Variants in NKAIN3 observed in about 807,000 individuals in gnomAD.
NKAIN3 encodes the protein sodium/potassium transporting ATPase interacting 3.
NKAIN3 carries 25 observed loss-of-function variants against 30.2 expected under a neutral mutation model. That is an observed-to-expected ratio of 0.83 (90% CI 0.60 to 1.16). The LOEUF (loss-of-function observed/expected upper bound fraction) is 1.16, where lower values mean the gene tolerates loss of function less well. Ranked by LOEUF, NKAIN3 falls within the 50% of genes most tolerant of loss-of-function variation. The pLI, the probability that NKAIN3 is intolerant of heterozygous loss-of-function variation, is 0.00. For missense variants in NKAIN3, 225 were observed against 254.1 expected, an observed-to-expected ratio of 0.89 and a Z score of 0.78; for synonymous variants, 91 against 89.6, an observed-to-expected ratio of 1.02 and a Z score of -0.09.
chr8:62,265,350 C>G (rs1812570915), intron 1 of NKAIN3, among the ~76,000 whole-genome samples: 1 of 152,020 alleles, frequency 6.6e-6, no homozygotes, highest in African/African-American at 2.4e-5. Context: ...TGTTGTGATG[C>G]TTATGGAAGA....
chr8:62,847,405 C>A (rs1233039550), intron 4 of NKAIN3, among the ~76,000 whole-genome samples: 1 of 151,962 alleles, frequency 6.6e-6, no homozygotes. Flanking sequence ...TATTTCATTG[C>A]GGTTTTGATT....
At chr8:62,618,627 C>G (rs934363329) in intron 3 of NKAIN3, among the ~76,000 whole-genome samples, 2 of 151,988 alleles carry the variant, frequency 1.3e-5, no homozygotes, top group Non-Finnish European at 2.9e-5. Flanking sequence ...GAAAGAAGGC[C>G]AGGGGCTGTG....
intron 4 of NKAIN3, among the ~76,000 whole-genome samples, chr8:62,767,144 A>T (rs930260581): frequency 2.6e-5 from 4 of 152,118 alleles, no homozygotes; most frequent in African/African-American, 9.7e-5. Flanking sequence ...CCGCATGGTG[A>T]AGGTGGGTTC....
Position 62,489,183 on chromosome 8 carries a change from A to ATTT in NKAIN3, c.55-90343_55-90341dup, listed in dbSNP as rs56881745. ...AGGTGCCCGCCACCACACCTGGCTA[A>ATTT]TTTTTTTTTTTTTTTGTATTTTTAG... On this transcript the variant is annotated intron_variant, in intron 1 of 6. Transcript: ENST00000623646. 2.1e-3 allele frequency among the ~76,000 whole-genome samples: 301 copies of ATTT among 142,594 alleles called. 3 individuals carry two copies. Among genetic ancestry groups the ATTT allele is most frequent in the South Asian group, 0.015 (64 of 4,386 alleles). 93.5% of individuals were successfully genotyped at this position (142,594 alleles called of 152,430 possible).
At chr8:62,527,980 A>G (rs1045843782) in intron 1 of NKAIN3, among the ~76,000 whole-genome samples, 4 of 151,428 alleles carry the variant, frequency 2.6e-5, no homozygotes, top group African/African-American at 7.3e-5. Context: ...AGATTTTGTG[A>G]GGAAAATTAT....
chr8:62,740,115 A>G (rs1443909603), intron 3 of NKAIN3, among the ~76,000 whole-genome samples: 1 of 152,206 alleles, frequency 6.6e-6, no homozygotes, highest in African/African-American at 2.4e-5. Context: ...TCTTTATTAT[A>G]TAGATCCATA....
At position 62,859,508 on chromosome 8, in the gene NKAIN3, T is replaced by TAAA. The variant is rs531859546; in HGVS notation, c.472-58934_472-58932dup. On this transcript the variant is annotated intron_variant, in intron 4 of 6. Coordinates refer to ENST00000623646, the MANE Select transcript of NKAIN3 (RefSeq NM_001304533.3). ...ACTTTTTCTATACTCTTACTTCAAC[T>TAAA]AAAAAAAAAAAAACTTCATGGAAGT... Among the ~76,000 whole-genome samples, 12 of 60,436 alleles carry TAAA rather than the reference T, an allele frequency of 2.0e-4. 4 individuals are homozygous for TAAA. The highest frequency in any genetic ancestry group is 8.4e-4 in the Admixed American group (4 of 4,790). 39.6% of individuals were successfully genotyped at this position (60,436 alleles called of 152,430 possible).
chr8:62,959,932 G>C (rs898217476), intron 6 of NKAIN3, among the ~76,000 whole-genome samples: 4 of 152,172 alleles, frequency 2.6e-5, no homozygotes, highest in African/African-American at 2.4e-5. Flanking sequence ...GCCTTACTTA[G>C]CACCAATGCA....
intron 3 of NKAIN3, among the ~76,000 whole-genome samples, chr8:62,664,961 C>T (rs1813055235): frequency 6.6e-6 from 1 of 152,172 alleles, no homozygotes; most frequent in Non-Finnish European, 1.5e-5. Flanking sequence ...TTTCCAACCT[C>T]AACTCTTCTT....
chr8:62,348,078 A>C (rs1004592944), intron 1 of NKAIN3, among the ~76,000 whole-genome samples: 21 of 152,228 alleles, frequency 1.4e-4, no homozygotes, highest in African/African-American at 4.8e-4. Context: ...TAAATATGCT[A>C]GGCTGCCATC....
chr8:62,605,986 A>G (rs1248012421), intron 3 of NKAIN3, among the ~76,000 whole-genome samples: 1 of 152,154 alleles, frequency 6.6e-6, no homozygotes, highest in Admixed American at 6.6e-5. Context: ...TTAAGAGCAA[A>G]GAACATTATA....
At chr8:62,462,590 A>G (rs1806031115) in intron 1 of NKAIN3, among the ~76,000 whole-genome samples, 1 of 152,178 alleles carries the variant, frequency 6.6e-6, no homozygotes, top group African/African-American at 2.4e-5. Flanking sequence ...TAACCCCTGC[A>G]TACCTTTCCC....
intron 1 of NKAIN3, among the ~76,000 whole-genome samples, chr8:62,477,084 G>A (rs112138167): frequency 3.3e-5 from 5 of 152,172 alleles, no homozygotes; most frequent in African/African-American, 1.2e-4. Context: ...AGAGGAAAAA[G>A]TCAGGGCAGG....
intron 3 of NKAIN3, among the ~76,000 whole-genome samples, chr8:62,683,133 A>T (rs1283249840): frequency 1.3e-5 from 2 of 152,120 alleles, no homozygotes; most frequent in African/African-American, 4.8e-5. Flanking sequence ...TCCTGGGTTC[A>T]TGCCATTCTC....
intron 1 of NKAIN3, among the ~76,000 whole-genome samples, chr8:62,265,610 T>C (rs931983561): frequency 1.3e-5 from 2 of 152,218 alleles, no homozygotes; most frequent in African/African-American, 4.8e-5. Context: ...TTTTGTATTT[T>C]ATTTGTGTCT....
intron 4 of NKAIN3, among the ~76,000 whole-genome samples, chr8:62,783,351 G>A (rs961364292): frequency 3.3e-5 from 5 of 152,080 alleles, no homozygotes; most frequent in Non-Finnish European, 7.4e-5. Flanking sequence ...TCTGCAGCCT[G>A]GAAGAAGATC....
chr8:62,412,935 A>AG (rs1804305247), intron 1 of NKAIN3, among the ~76,000 whole-genome samples: 1 of 150,480 alleles, frequency 6.6e-6, no homozygotes, highest in African/African-American at 2.4e-5. Context: ...AAAAAAAAAA[A>AG]CAGCAAAACA....
chr8:62,713,739 A>G (rs536506435), intron 3 of NKAIN3, among the ~76,000 whole-genome samples: 2 of 152,304 alleles, frequency 1.3e-5, no homozygotes, highest in Admixed American at 1.3e-4. Context: ...ATGTGTCACT[A>G]AATAGAACTT....
intron 1 of NKAIN3, among the ~76,000 whole-genome samples, chr8:62,358,685 A>C (rs373037522): frequency 1.3e-5 from 2 of 152,194 alleles, no homozygotes; most frequent in Non-Finnish European, 2.9e-5. Context: ...TGTGTGGCTG[A>C]AGAATCGTGC....
Sources: allele counts gnomAD v4.1 joint callset (sites outside exome capture counted in the v4.1 genomes callset), GRCh38; gene constraint gnomAD v4.1.1; transcripts MANE v1.5; gene names NCBI Gene and HGNC (gene_info 2026-07-23, HGNC 2026-07-21).